Variants in BIRC6 observed in about 807,000 individuals in gnomAD.
The protein encoded by BIRC6 is baculoviral IAP repeat containing 6, also known as dual E2 ubiquitin-conjugating enzyme/E3 ubiquitin-protein ligase BIRC6.
A neutral mutation model predicts 503.3 loss-of-function variants in BIRC6; 98 were observed. That is an observed-to-expected ratio of 0.19 (90% CI 0.17 to 0.23). The LOEUF is 0.23. Among genes scored for constraint, BIRC6 ranks in the 10% least tolerant of loss-of-function variants. BIRC6 has a pLI of 1.00. For synonymous variants in BIRC6, 2,240 were observed against 2,078.7 expected (o/e 1.08, Z -2.11); for missense variants, 5,360 against 5,806.0 (o/e 0.92, Z 2.50).
At chr2:32,578,261 G>T (rs145454159) in intron 66 of BIRC6, among the ~76,000 whole-genome samples, 309 of 151,752 alleles carry the variant, frequency 2.0e-3, no homozygotes, top group African/African-American at 7.0e-3. Context: ...TTCTAACAGA[G>T]TTCACAAAAT....
In BIRC6 at chr2:32,507,961, C is replaced by T. The variant is rs1487716547; in HGVS notation, c.9701-19C>T. 1.9e-6 allele frequency: 3 copies of T among 1,603,612 alleles called. No individual in the cohort carries two copies. The highest frequency in any genetic ancestry group is 2.2e-5 in the South Asian group (2 of 89,876). Reference sequence around the variant, plus strand: ...GTATACTTTGTCTTTTGTGATGATTCAGTTTTCTCTTTTTATAGCCTGCCC... The same window carrying T: ...GTATACTTTGTCTTTTGTGATGATTTAGTTTTCTCTTTTTATAGCCTGCCC... On this transcript the variant is annotated intron_variant, in intron 50 of 73. Transcript: ENST00000421745.
At chr2:32,447,460 C>T (rs1455887401) in intron 21 of BIRC6, among the ~76,000 whole-genome samples, 1 of 142,036 alleles carries the variant, frequency 7.0e-6, no homozygotes, top group Non-Finnish European at 1.5e-5. Context: ...CCGGACTGGG[C>T]GGCTGGCCGG....
chr2:32,586,400 C>T (rs1361806571), intron 66 of BIRC6, among the ~76,000 whole-genome samples: 2 of 143,976 alleles, frequency 1.4e-5, no homozygotes, highest in African/African-American at 5.1e-5. Flanking sequence ...ACTGTATTAT[C>T]TCAGACAAAA....
intron 51 of BIRC6, 177 bp from the exon 52 acceptor site, chr2:32,509,561 T>C: frequency 1.4e-6 from 1 of 718,758 alleles, no homozygotes; most frequent in Non-Finnish European, 2.2e-6. Flanking sequence ...CCATGATTTA[T>C]CTTATAGGGG....
In BIRC6 at chr2:32,568,491, C is replaced by CAA. The variant is rs59954195; in HGVS notation, c.13145-6649_13145-6648dup. On this transcript the variant is annotated intron_variant, in intron 65 of 73. Coordinates refer to ENST00000421745, the MANE Select transcript of BIRC6 (RefSeq NM_016252.4). ...TGGGCAACAGAGTGAGACCTTGGCG[C>CAA]AAAAAAAAAAAAAAAAAGGAAAATA... Among the ~76,000 whole-genome samples, 994 of 108,774 alleles carry CAA rather than the reference C, an allele frequency of 9.1e-3. 10 individuals are homozygous for CAA. The highest frequency in any genetic ancestry group is 0.023 in the East Asian group (91 of 3,954). The allele number at this position is 108,774 out of a possible 152,430, so 71.4% of individuals were successfully genotyped here.
At chr2:32,368,740 C>T (rs544217291) in intron 1 of BIRC6, among the ~76,000 whole-genome samples, 1 of 152,156 alleles carries the variant, frequency 6.6e-6, no homozygotes, top group Non-Finnish European at 1.5e-5. Context: ...CAACGTCTTC[C>T]TCCTGGGTTC....
rs1035640933 is a variant in BIRC6 at position 32,597,731 on chromosome 2, A to AT, written c.13613-14dup. The AT allele has an allele frequency of 1.9e-6, 3 of 1,586,460 alleles. No homozygotes were observed. The highest frequency in any genetic ancestry group is 2.7e-5 in the African/African-American group (2 of 74,328). ...ACAATTTTTTGCAGTTCTGGGTTTT[A>AT]TTTTTTCTTCTCCTTTTAGATACGT... On this transcript the variant is annotated intron_variant, in intron 68 of 73. Transcript: ENST00000421745.
chr2:32,410,039 C>G (rs763973679), intron 9 of BIRC6, among the ~76,000 whole-genome samples: 8 of 152,130 alleles, frequency 5.3e-5, no homozygotes, highest in Admixed American at 2.0e-4. Flanking sequence ...ACCTCACATA[C>G]CATTTACTTT....
chr2:32,419,518 G>C (rs2042722865), intron 10 of BIRC6, among the ~76,000 whole-genome samples: 2 of 152,064 alleles, frequency 1.3e-5, no homozygotes, highest in South Asian at 4.1e-4. Flanking sequence ...TTGGTATTCT[G>C]CTTGGTGCAA....
At chr2:32,409,087 C>G (rs1361332452) in intron 9 of BIRC6, among the ~76,000 whole-genome samples, 3 of 152,058 alleles carry the variant, frequency 2.0e-5, no homozygotes, top group Non-Finnish European at 2.9e-5. Flanking sequence ...AATCACAGTT[C>G]TAAGTGATTT....
chr2:32,506,201 C>T (rs183945248), intron 50 of BIRC6, among the ~76,000 whole-genome samples: 1 of 152,048 alleles, frequency 6.6e-6, no homozygotes, highest in African/African-American at 2.4e-5. Context: ...ATAATTTTGC[C>T]AGAATTGTTT....
chr2:32,442,349 C>G lies in BIRC6; in HGVS notation c.4132C>G (p.Leu1378Val), dbSNP rs1220999248. Residue 1378 changes from leucine (L) to valine (V), a missense_variant, in exon 19 of 74, where the codon CTT (leucine) becomes GTT (valine). This residue lies in a region of BIRC6 where 2,299 missense variants were observed against 2,267.2 expected (regional missense o/e 1.01). Coordinates refer to ENST00000421745, the MANE Select transcript of BIRC6 (RefSeq NM_016252.4). ...CTCAAAGGAAGGAAATGAGAACCTACTTTCAAAAACACGAAAATTTCTGTC... is the reference window on the plus strand; with the variant it reads ...CTCAAAGGAAGGAAATGAGAACCTAGTTTCAAAAACACGAAAATTTCTGTC... Reference protein sequence around the residue: ...GSSKEGNENLLSKTRKFLSDI... With the variant: ...GSSKEGNENLVSKTRKFLSDI... The G allele has an allele frequency of 1.9e-6, 3 of 1,612,818 alleles. No homozygotes were observed. Among genetic ancestry groups the G allele is most frequent in the African/African-American group, 2.7e-5 (2 of 75,050 alleles).
chr2:32,618,055 CT>C lies in BIRC6; in HGVS notation c.*155del, dbSNP rs2063350843. ...GAGATCCAGTTTAATTCAAGGTGAT[CT>C]TTTATTTACCTGTACAGGAGTGTAA... On this transcript the variant is annotated 3_prime_UTR_variant, in exon 74 of 74. Transcript: ENST00000421745. 1 of 770,440 alleles carries C rather than the reference CT, an allele frequency of 1.3e-6. No individual in the cohort carries two copies. The highest frequency in any genetic ancestry group is 2.7e-5 in the East Asian group (1 of 36,458). 47.7% of individuals were successfully genotyped at this position (770,440 alleles called of 1,614,324 possible). A position where few individuals can be genotyped will look rare whatever the true frequency, so the allele number is the denominator to read the frequency against.
chr2:32,450,673 T>C (rs1473740640), intron 22 of BIRC6, among the ~76,000 whole-genome samples: 1 of 152,166 alleles, frequency 6.6e-6, no homozygotes, highest in Non-Finnish European at 1.5e-5. Flanking sequence ...GTGTATGCAG[T>C]TGTTCCTCTC....
intron 66 of BIRC6, among the ~76,000 whole-genome samples, chr2:32,578,803 AATAC>A (rs200578652): frequency 5.0e-5 from 7 of 140,742 alleles, no homozygotes; most frequent in South Asian, 2.1e-4. Context: ...TGTCTCAAAA[AATAC>A]ATACATACAT....
At chr2:32,369,428 ATTT>A (rs554684813) in intron 1 of BIRC6, among the ~76,000 whole-genome samples, 4 of 139,630 alleles carry the variant, frequency 2.9e-5, no homozygotes. Flanking sequence ...GTAGCAATTG[ATTT>A]TTTTTTTTTT....
At chr2:32,397,677 CACACACATATATATGT>C (rs2040106160) in intron 6 of BIRC6, among the ~76,000 whole-genome samples, 1 of 127,332 alleles carries the variant, frequency 7.9e-6, no homozygotes, top group African/African-American at 3.0e-5. Flanking sequence ...TATATATACA[CACACACATATATATGT>C]ACACACACAC....
At chr2:32,436,304 A>T in intron 15 of BIRC6, 120 bp downstream of exon 15, 1 of 927,972 alleles carries the variant, frequency 1.1e-6, no homozygotes, top group Non-Finnish European at 1.5e-6. Flanking sequence ...TCGAAATTTC[A>T]TCAGTTTTCT....
chr2:32,607,851 G>A (rs1015293150), intron 72 of BIRC6, among the ~76,000 whole-genome samples: 15 of 151,262 alleles, frequency 9.9e-5, no homozygotes, highest in Non-Finnish European at 2.1e-4. Context: ...CAGGCATGGT[G>A]GCAGGCGCCT....
Sources: allele counts gnomAD v4.1 joint callset (sites outside exome capture counted in the v4.1 genomes callset), GRCh38; gene constraint gnomAD v4.1.1; regional missense constraint gnomAD v4.1.1; transcripts MANE v1.5; gene names NCBI Gene and HGNC (gene_info 2026-07-23, HGNC 2026-07-21).